Variants in PKD2L2 observed in about 807,000 individuals in gnomAD.
PKD2L2 encodes the protein polycystin 2 like 2, transient receptor potential cation channel, also known as polycystin-2-like protein 2.
PKD2L2 carries 67 observed loss-of-function variants against 83.9 expected under a neutral mutation model. That is an observed-to-expected ratio of 0.80 (90% CI 0.66 to 0.98). The LOEUF (loss-of-function observed/expected upper bound fraction) is 0.98, where lower values mean the gene tolerates loss of function less well. Among genes scored for constraint, PKD2L2 ranks in the 50% least tolerant of loss-of-function variants. PKD2L2 has a pLI of 0.00. For synonymous variants in PKD2L2, 223 were observed against 237.8 expected (o/e 0.94, Z 0.57); for missense variants, 632 against 717.2 (o/e 0.88, Z 1.36).
intron 12 of PKD2L2, among the ~76,000 whole-genome samples, chr5:137,926,700 T>C (rs1759404952): frequency 6.6e-6 from 1 of 152,188 alleles, no homozygotes; most frequent in South Asian, 2.1e-4. Context: ...TGGGGCTCCT[T>C]CGAGGTCTCG....
intron 12 of PKD2L2, among the ~76,000 whole-genome samples, chr5:137,927,719 A>G (rs1252016217): frequency 6.6e-6 from 1 of 152,162 alleles, no homozygotes; most frequent in Non-Finnish European, 1.5e-5. Context: ...AAATATTTGT[A>G]TTGTTCTTGT....
chr5:137,919,016 A>G (rs952576268), intron 8 of PKD2L2, among the ~76,000 whole-genome samples: 3 of 151,856 alleles, frequency 2.0e-5, no homozygotes, highest in African/African-American at 7.3e-5. Flanking sequence ...TCACCTTTCT[A>G]TACATCAAGC....
At chr5:137,931,692 C>T (rs55983857) in intron 12 of PKD2L2, among the ~76,000 whole-genome samples, 1 of 151,980 alleles carries the variant, frequency 6.6e-6, no homozygotes. Flanking sequence ...TGATCTTATC[C>T]TCTTCACCTT....
intron 12 of PKD2L2, among the ~76,000 whole-genome samples, chr5:137,935,411 C>G (rs1357453466): frequency 6.6e-6 from 1 of 152,076 alleles, no homozygotes; most frequent in African/African-American, 2.4e-5. Context: ...GCCAAAAATA[C>G]CCACAGATAC....
intron 8 of PKD2L2, among the ~76,000 whole-genome samples, chr5:137,913,237 G>T (rs1758014956): frequency 1.4e-5 from 2 of 143,678 alleles, no homozygotes; most frequent in Admixed American, 7.1e-5. Flanking sequence ...AAGGTGGAGT[G>T]CAGTGGCATG....
Position 137,935,858 on chromosome 5 carries a change from C to G in PKD2L2, c.1733C>G (p.Ser578Cys), listed in dbSNP as rs1459704289. The G allele has an allele frequency of 6.2e-7, 1 of 1,611,406 alleles. No individual in the cohort carries two copies. Among genetic ancestry groups the G allele is most frequent in the Non-Finnish European group, 8.5e-7 (1 of 1,177,568 alleles). Residue 578 changes from serine to cysteine, a missense_variant, in exon 13 of 15, where the codon TCT (serine) becomes TGT (cysteine). Around this residue, in one of 3 missense-constraint regions of PKD2L2, gnomAD observed 399 missense variants for 416.9 expected, o/e 0.96. Coordinates refer to ENST00000508883, the MANE Select transcript of PKD2L2 (RefSeq NM_001300921.2). ...GAGAGGCTTGAGAAAAAGTATTATT[C>G]TATGGAAATTCAAGATGACTACCAG... is the stretch of plus-strand genomic sequence containing the variant. ...WKERLEKKYY[S>C]MEIQDDYQPV...
chr5:137,942,273 T>C lies in PKD2L2; in HGVS notation c.*18-111T>C, dbSNP rs1031703850. ...CTCAGAACCAGTGACATACACCATA[T>C]CATCCAAAGGTAAAGAAGTGGATAT... On this transcript the variant is annotated intron_variant, in intron 14 of 14. Coordinates refer to ENST00000508883, the MANE Select transcript of PKD2L2 (RefSeq NM_001300921.2). 1.3e-5 allele frequency: 7 copies of C among 533,708 alleles called. No homozygotes were observed. The African/African-American group carries it at 1.4e-4, about 10-fold the overall frequency. The allele number at this position is 533,708 out of a possible 1,614,324, so 33.1% of individuals were successfully genotyped here. A position where few individuals can be genotyped will look rare whatever the true frequency, so the allele number is the denominator to read the frequency against.
chr5:137,925,910 G>A lies in PKD2L2; in HGVS notation c.1652G>A (p.Arg551Lys), dbSNP rs766123626. 30 of 1,596,422 alleles carry A rather than the reference G, an allele frequency of 1.9e-5. No homozygotes were observed. The East Asian group carries it at 6.7e-4, about 36-fold the overall frequency. Residue 551 changes from arginine (R) to lysine (K), a missense_variant, in exon 12 of 15, where the codon AGA (arginine) becomes AAA (lysine). Around this residue, in one of 3 missense-constraint regions of PKD2L2, gnomAD observed 399 missense variants for 416.9 expected, o/e 0.96. Coordinates refer to ENST00000508883, the MANE Select transcript of PKD2L2 (RefSeq NM_001300921.2). ...GGAGATTTGGCTGAACAAGCCAGAAGAGAAGGCTTTGACGAAAATGTAAGA... is the reference window on the plus strand; with the variant it reads ...GGAGATTTGGCTGAACAAGCCAGAAAAGAAGGCTTTGACGAAAATGTAAGA... ...GSGDLAEQARREGFDENEIQN... is the reference protein window; with the variant it reads ...GSGDLAEQARKEGFDENEIQN...
chr5:137,906,754 A>C (rs2150019902), intron 6 of PKD2L2, among the ~76,000 whole-genome samples: 1 of 119,932 alleles, frequency 8.3e-6, no homozygotes, highest in South Asian at 3.3e-4. Flanking sequence ...CTTGAGTTTC[A>C]CCAGTCACGG....
At chr5:137,911,171 C>T (rs1283037676) in intron 8 of PKD2L2, among the ~76,000 whole-genome samples, 2 of 152,128 alleles carry the variant, frequency 1.3e-5, no homozygotes, top group Non-Finnish European at 2.9e-5. Flanking sequence ...CTTTTTGTCT[C>T]TATGATTTTG....
intron 8 of PKD2L2, among the ~76,000 whole-genome samples, chr5:137,921,185 G>C (rs887812531): frequency 2.6e-5 from 4 of 151,800 alleles, no homozygotes; most frequent in Non-Finnish European, 5.9e-5. Flanking sequence ...ACATGGTGAG[G>C]CTGTCTCTAC....
intron 2 of PKD2L2, among the ~76,000 whole-genome samples, chr5:137,891,921 G>A (rs1040992779): frequency 1.3e-5 from 2 of 152,078 alleles, no homozygotes; most frequent in African/African-American, 4.8e-5. Flanking sequence ...CCTGATCTCA[G>A]GTGATCCACC....
chr5:137,914,412 C>A (rs1758138144), intron 8 of PKD2L2, among the ~76,000 whole-genome samples: 1 of 152,016 alleles, frequency 6.6e-6, no homozygotes, highest in Non-Finnish European at 1.5e-5. Flanking sequence ...TAAAAAAAAT[C>A]CCAAATCAAA....
chr5:137,898,642 C>T (rs1756693881), intron 4 of PKD2L2, among the ~76,000 whole-genome samples: 1 of 152,172 alleles, frequency 6.6e-6, no homozygotes. Context: ...CAGCCTCAAA[C>T]TACTGGCCTC....
chr5:137,900,863 C>T (rs1007276379), intron 5 of PKD2L2, among the ~76,000 whole-genome samples: 1 of 152,250 alleles, frequency 6.6e-6, no homozygotes, highest in South Asian at 2.1e-4. Context: ...GTCAGCCAGG[C>T]ACGGTGGCTC....
chr5:137,935,738 CAA>C, intron 12 of PKD2L2, 57 bp from the exon 13 acceptor site: 1 of 898,042 alleles, frequency 1.1e-6, no homozygotes, highest in Non-Finnish European at 1.8e-6. Context: ...GCTTGTGTGC[CAA>C]AGACTTGAAA....
intron 14 of PKD2L2, chr5:137,940,401 A>T: frequency 7.3e-7 from 1 of 1,372,786 alleles, no homozygotes; most frequent in Non-Finnish European, 1.0e-6. Flanking sequence ...GGAAAAAAAG[A>T]TCCAAAAGTT....
At chr5:137,935,337 T>A (rs532138705) in intron 12 of PKD2L2, among the ~76,000 whole-genome samples, 1 of 152,300 alleles carries the variant, frequency 6.6e-6, no homozygotes, top group East Asian at 1.9e-4. Flanking sequence ...ACACATTGAC[T>A]AACCAATGCA....
At chr5:137,893,434 C>T (rs997867540) in intron 3 of PKD2L2, among the ~76,000 whole-genome samples, 1 of 152,162 alleles carries the variant, frequency 6.6e-6, no homozygotes, top group Non-Finnish European at 1.5e-5. Flanking sequence ...AAGGGGACAG[C>T]AGTTTCAGCT....
Sources: allele counts gnomAD v4.1 joint callset (sites outside exome capture counted in the v4.1 genomes callset), GRCh38; gene constraint gnomAD v4.1.1; regional missense constraint gnomAD v4.1.1; transcripts MANE v1.5; gene names NCBI Gene and HGNC (gene_info 2026-07-23, HGNC 2026-07-21).